MUC6: variants seen among roughly 807,000 people sequenced by gnomAD.
MUC6 encodes the protein mucin 6, oligomeric mucus/gel-forming (gene/pseudogene), also known as mucin-6.
MUC6 carries 188 observed loss-of-function variants against 201.5 expected under a neutral mutation model. That is an observed-to-expected ratio of 0.93 (90% CI 0.83 to 1.05). The LOEUF (loss-of-function observed/expected upper bound fraction) is 1.05. Ranked by LOEUF, MUC6 falls within the 50% of genes least tolerant of loss-of-function variation. The pLI, the probability that MUC6 is intolerant of heterozygous loss-of-function variation, is 0.00. For missense variants in MUC6, 2,706 were observed against 3,256.9 expected, an observed-to-expected ratio of 0.83 and a Z score of 4.12; for synonymous variants, 1,228 against 1,389.4, an observed-to-expected ratio of 0.88 and a Z score of 2.58.
intron 1 of MUC6, among the ~76,000 whole-genome samples, chr11:1,036,299 G>A (rs375510164): frequency 5.3e-5 from 8 of 152,286 alleles, no homozygotes; most frequent in South Asian, 4.1e-4. Flanking sequence ...CTGTTCCCGC[G>A]GGAGTGCCGG....
In MUC6 at chr11:1,026,440, C is replaced by T. The variant is rs1856962033; in HGVS notation, c.2433G>A (p.Glu811=). The part of the protein sequence containing the change: ...TKCEPGCVCA[E]GLYENADGQC... ...GCCCGTCGGCATTCTCGTAGAGGCC[C>T]TCGGCGCAGACACAGCCAGGCTCAC... The change falls in exon 20 of 33, where the codon GAG becomes GAA. Residue 811 remains glutamate (E), a synonymous_variant. Coordinates refer to ENST00000421673, the MANE Select transcript of MUC6 (RefSeq NM_005961.3). 7 of 1,607,380 alleles carry T rather than the reference C, an allele frequency of 4.4e-6. No individual in the cohort carries two copies. Among genetic ancestry groups the T allele is most frequent in the East Asian group, 2.2e-5 (1 of 44,796 alleles).
In MUC6 at chr11:1,016,470, G is replaced by C; in HGVS notation, c.6331C>G (p.Leu2111Val). The change falls in exon 31 of 33, where the codon CTC becomes GTC. Residue 2111 changes from leucine (L) to valine (V), a missense_variant. Leu to Val is a conservative substitution (Grantham distance 32). Transcript: ENST00000421673. ...RPPSSPITTQ[L>V]PHLSSATTPV... Reference sequence around the variant, plus strand: ...GTGGTTGCAGAACTCAAGTGGGGGAGTTGTGTGGTGATAGGTGATGACGGT... The same window carrying C: ...GTGGTTGCAGAACTCAAGTGGGGGACTTGTGTGGTGATAGGTGATGACGGT... The C allele has an allele frequency of 1.2e-6, 2 of 1,613,868 alleles. No homozygotes were observed. Among genetic ancestry groups the C allele is most frequent in the Non-Finnish European group, 1.7e-6 (2 of 1,179,870 alleles).
In MUC6 at chr11:1,013,470, C is replaced by A; in HGVS notation, c.7306G>T (p.Ala2436Ser). 1 of 1,583,258 alleles carries A rather than the reference C, an allele frequency of 6.3e-7. No homozygotes were observed. Among genetic ancestry groups the A allele is most frequent in the South Asian group, 1.2e-5 (1 of 86,442 alleles). ...VFSHCVCSSVACGD is the reference protein window; with the variant it reads ...VFSHCVCSSVSCGD ...CAGCGACCCTGCTAGTCTCCACAGGCCACAGAGCTGCACACGCAGTGGCTG... is the reference window on the plus strand; with the variant it reads ...CAGCGACCCTGCTAGTCTCCACAGGACACAGAGCTGCACACGCAGTGGCTG... Residue 2436 changes from alanine to serine, a missense_variant, in exon 33 of 33, where the codon GCC (alanine) becomes TCC (serine). Ala to Ser is a moderately conservative substitution (Grantham distance 99, BLOSUM62 1). This residue lies in a region of MUC6 where 586 missense variants were observed against 488.0 expected (regional missense o/e 1.20). Transcript: ENST00000421673.
At chr11:1,031,350 C>T (rs1857099758) in intron 4 of MUC6, 91 bp from the exon 5 acceptor site, 2 of 1,259,384 alleles carry the variant, frequency 1.6e-6, no homozygotes. Flanking sequence ...GGACCCAGAG[C>T]CCCCACCATC....
In MUC6 at chr11:1,027,468, A is replaced by G. The variant is rs1361479993; in HGVS notation, c.2031T>C (p.Cys677=). The change falls in exon 17 of 33, where the codon TGT becomes TGC. Residue 677 remains cysteine, a synonymous_variant. Transcript: ENST00000421673. ...NTTFSYNSQA[C]ERTCLSLSDR... is the part of the protein sequence containing the mutation. Reference sequence around the variant, plus strand: ...CCGACAGCGACAGGCAGGTGCGCTCACAGGCTTGGCTGTTGTAGCTGAAGG... The same window carrying G: ...CCGACAGCGACAGGCAGGTGCGCTCGCAGGCTTGGCTGTTGTAGCTGAAGG... The G allele has an allele frequency of 6.2e-7, 1 of 1,612,516 alleles. No individual in the cohort carries two copies. The highest frequency in any genetic ancestry group is 8.5e-7 in the Non-Finnish European group (1 of 1,179,810).
chr11:1,018,202 G>T lies in MUC6; in HGVS notation c.4599C>A (p.His1533Gln). 2 of 1,613,968 alleles carry T rather than the reference G, an allele frequency of 1.2e-6. No individual in the cohort carries two copies. The highest frequency in any genetic ancestry group is 3.3e-5 in the Admixed American group (2 of 60,032). ...TAGAAGTTGGGGTGACTTCAGGATG[G>T]TGTGTGGAGGAAGTGTGTGAATGTA... Reference protein sequence around the residue: ...TSLHSHTSSTHHPEVTPTSTT... With the variant: ...TSLHSHTSSTQHPEVTPTSTT... The change falls in exon 31 of 33, where the codon CAC (histidine) becomes CAA (glutamine). Residue 1533 changes from histidine (H) to glutamine (Q), a missense_variant. His to Gln is a conservative substitution (Grantham distance 24). Coordinates refer to ENST00000421673, the MANE Select transcript of MUC6 (RefSeq NM_005961.3).
chr11:1,034,427 G>A (rs968931636), intron 1 of MUC6, among the ~76,000 whole-genome samples: 1 of 152,230 alleles, frequency 6.6e-6, no homozygotes, highest in African/African-American at 2.4e-5. Context: ...GTCCCAGTAG[G>A]TGTCATGGTC....
chr11:1,029,722 C>T (rs112296732), intron 8 of MUC6, 107 bp from the exon 9 acceptor site: 1 of 1,410,810 alleles, frequency 7.1e-7, no homozygotes, highest in South Asian at 1.5e-5. Context: ...AGGGAGACGC[C>T]CCCTCCAGCC....
At position 1,015,973 on chromosome 11, in the gene MUC6, G is replaced by A. The variant is rs764917248; in HGVS notation, c.6828C>T (p.Leu2276=). The change falls in exon 31 of 33, where the codon CTC becomes CTT. Residue 2276 remains leucine (L), a synonymous_variant. Coordinates refer to ENST00000421673, the MANE Select transcript of MUC6 (RefSeq NM_005961.3). The part of the protein sequence containing the change: ...SQSTTSRSTS[L]TTRVPTSGFV... ...AGCCTGATGTGGGAACTCGGGTGGT[G>A]AGAGAAGTGGACCGCGAGGTGGTGG... 4 of 1,594,378 alleles carry A rather than the reference G, an allele frequency of 2.5e-6. No homozygotes were observed. Among genetic ancestry groups the A allele is most frequent in the Non-Finnish European group, 3.4e-6 (4 of 1,167,520 alleles).
chr11:1,026,105 G>A lies in MUC6; in HGVS notation c.2583C>T (p.Gly861=), dbSNP rs1365258283. 4 of 1,600,420 alleles carry A rather than the reference G, an allele frequency of 2.5e-6. No homozygotes were observed. Among genetic ancestry groups the A allele is most frequent in the Non-Finnish European group, 3.4e-6 (4 of 1,174,388 alleles). ...CSRGRWACQQ[G]THCPSTCTLY... is the part of the protein sequence containing the mutation. ...GGGTGCAGGTGGATGGGCAGTGGGT[G>A]CCCTGCTGACAGGCCCACCTCCCCC... The change falls in exon 21 of 33, where the codon GGC becomes GGT. Residue 861 remains glycine, a synonymous_variant. Transcript: ENST00000421673.
At chr11:1,018,797 G>C (rs935326671) in intron 30 of MUC6, 27 bp from the exon 31 acceptor site, 1 of 1,536,696 alleles carries the variant, frequency 6.5e-7, no homozygotes, top group Admixed American at 2.2e-5. Context: ...AGTTGTCATC[G>C]TTATTGTTTT....
rs1389261958 is a variant in MUC6 at position 1,025,231 on chromosome 11, A to G, written c.2936T>C (p.Ile979Thr). ...SIPGRYNLTLIWNRHMTILIR... is the reference protein window; with the variant it reads ...SIPGRYNLTLTWNRHMTILIR... ...GAGGATGGTCATGTGCCTGTTCCAGATGAGCGTCAGGTTGTACCTCCCGGG... is the reference window on the plus strand; with the variant it reads ...GAGGATGGTCATGTGCCTGTTCCAGGTGAGCGTCAGGTTGTACCTCCCGGG... The change falls in exon 23 of 33, where the codon ATC (isoleucine) becomes ACC (threonine). Residue 979 changes from isoleucine (I) to threonine (T), a missense_variant. Transcript: ENST00000421673. The G allele has an allele frequency of 6.2e-7, 1 of 1,612,670 alleles. No individual in the cohort carries two copies. Among genetic ancestry groups the G allele is most frequent in the Non-Finnish European group, 8.5e-7 (1 of 1,179,850 alleles).
Position 1,023,912 on chromosome 11 carries a change from G to A in MUC6, c.3382+35C>T, listed in dbSNP as rs1013490603. On this transcript the variant is annotated intron_variant, in intron 25 of 32. Transcript: ENST00000421673. ...GCCCTTAGTGGCGCTGGGTGGCAGG[G>A]GCTGGAGCAACCTGTGGGAGGGGTG... 8 of 1,604,648 alleles carry A rather than the reference G, an allele frequency of 5.0e-6. No individual in the cohort carries two copies. In the African/African-American group the frequency reaches 8.0e-5, roughly 16 times the overall value.
intron 26 of MUC6, among the ~76,000 whole-genome samples, chr11:1,023,274 GGAT>G (rs1269104365): frequency 6.6e-6 from 1 of 151,964 alleles, no homozygotes; most frequent in African/African-American, 2.4e-5. Context: ...GTGTGTGAGT[GGAT>G]GAACAAATGT....
Position 1,018,551 on chromosome 11 carries a change from G to A in MUC6, c.4250C>T (p.Pro1417Leu), listed in dbSNP as rs1224797726. 6.2e-6 allele frequency: 10 copies of A among 1,613,512 alleles called. No individual in the cohort carries two copies. Among genetic ancestry groups the A allele is most frequent in the Non-Finnish European group, 8.5e-6 (10 of 1,179,660 alleles). Residue 1417 changes from proline (P) to leucine (L), a missense_variant, in exon 31 of 33, where the codon CCT becomes CTT. By Grantham distance (98) the Pro-to-Leu change is moderately conservative (BLOSUM62 -3). Around this residue, in one of 10 missense-constraint regions of MUC6, gnomAD observed 128 missense variants for 206.5 expected, o/e 0.62. Transcript: ENST00000421673. ...TGTTGCAGTGACAGGACCTGTGGAA[G>A]GGACGGGACTCCCCGCCGTAGGCGG... is the stretch of plus-strand genomic sequence containing the variant. ...HSPPTAGSPV[P>L]STGPVTATSF...
Position 1,027,426 on chromosome 11 carries a change from G to C in MUC6, c.2073C>G (p.Cys691Trp), listed in dbSNP as rs1237457975. 6.2e-7 allele frequency: 1 copy of C among 1,612,776 alleles called. No individual in the cohort carries two copies. Among genetic ancestry groups the C allele is most frequent in the East Asian group, 2.2e-5 (1 of 44,878 alleles). ...CGTCCACGGGCACGGCGCTGTGGTG[G>C]CACTCGGTGGCACGGTCCGACAGCG... ...CLSLSDRATECHHSAVPVDGC... is the reference protein window; with the variant it reads ...CLSLSDRATEWHHSAVPVDGC... Residue 691 changes from cysteine (C) to tryptophan (W), a missense_variant, in exon 17 of 33, where the codon TGC becomes TGG. Cys to Trp is a radical substitution (Grantham distance 215, BLOSUM62 -2). Around this residue, in one of 10 missense-constraint regions of MUC6, gnomAD observed 1,850 missense variants for 1,958.3 expected, o/e 0.94. Transcript: ENST00000421673.
rs781698937 is a variant in MUC6, at chr11:1,029,554, A to G, written c.1077T>C (p.Cys359=). The change falls in exon 9 of 33, where the codon TGT becomes TGC. Residue 359 remains cysteine (C), a synonymous_variant. Transcript: ENST00000421673. ...GGGCATACATGGCGCCGTGGAGCAC[A>G]CAGGGGCACTGGGTGACGGGCACGC... ...HTCVPVTQCP[C]VLHGAMYAPG... The G allele has an allele frequency of 1.9e-6, 3 of 1,611,952 alleles. No homozygotes were observed. The East Asian group carries it at 6.7e-5, about 36-fold the overall frequency.
At position 1,027,765 on chromosome 11, in the gene MUC6, G is replaced by A; in HGVS notation, c.1901C>T (p.Ala634Val). The change falls in exon 16 of 33, where the codon GCC becomes GTC. Residue 634 changes from alanine to valine, a missense_variant. By Grantham distance (64) the Ala-to-Val change is moderately conservative (BLOSUM62 0). Coordinates refer to ENST00000421673, the MANE Select transcript of MUC6 (RefSeq NM_005961.3). The part of the protein sequence containing the change: ...NYEETFPHIC[A>V]ALGDYVHACS... Reference sequence around the variant, plus strand: ...GGCGTGTACGTAGTCGCCCAGGGCGGCACAGATGTGGGGAAAGGTCTCCTC... The same window carrying A: ...GGCGTGTACGTAGTCGCCCAGGGCGACACAGATGTGGGGAAAGGTCTCCTC... 1 of 1,610,494 alleles carries A rather than the reference G, an allele frequency of 6.2e-7. No individual in the cohort carries two copies. Among genetic ancestry groups the A allele is most frequent in the Non-Finnish European group, 8.5e-7 (1 of 1,179,024 alleles).
rs1445116802 is a variant in MUC6 at position 1,027,451 on chromosome 11, G to A, written c.2048C>T (p.Ser683Leu). 12 of 1,612,754 alleles carry A rather than the reference G, an allele frequency of 7.4e-6. No individual in the cohort carries two copies. Among genetic ancestry groups the A allele is most frequent in the Non-Finnish European group, 8.5e-6 (10 of 1,179,824 alleles). ...NSQACERTCL[S>L]LSDRATECHH... is the part of the protein sequence containing the mutation. ...GCACTCGGTGGCACGGTCCGACAGC[G>A]ACAGGCAGGTGCGCTCACAGGCTTG... The change falls in exon 17 of 33, where the codon TCG becomes TTG. Residue 683 changes from serine (S) to leucine (L), a missense_variant. Ser to Leu is a moderately radical substitution (Grantham distance 145, BLOSUM62 -2). This residue lies in a region of MUC6 where 1,850 missense variants were observed against 1,958.3 expected (regional missense o/e 0.94). Transcript: ENST00000421673.
Sources: allele counts gnomAD v4.1 joint callset (sites outside exome capture counted in the v4.1 genomes callset), GRCh38; gene constraint gnomAD v4.1.1; regional missense constraint gnomAD v4.1.1; transcripts MANE v1.5; gene names NCBI Gene and HGNC (gene_info 2026-07-23, HGNC 2026-07-21).